The following MEGF6 variants were observed in gnomAD, a reference collection of about 807,000 sequenced individuals.
MEGF6 encodes multiple epidermal growth factor-like domains protein 6.
A neutral mutation model predicts 207.1 loss-of-function variants in MEGF6; 184 were observed. The observed-to-expected ratio is 0.89, with a 90% CI of 0.79 to 1.00. MEGF6 has a LOEUF of 1.00. Among genes scored for constraint, MEGF6 ranks in the 50% least tolerant of loss-of-function variants. The pLI is 0.00. For synonymous variants in MEGF6, 1,038 were observed against 910.0 expected (o/e 1.14, Z -2.53); for missense variants, 2,282 against 2,202.9 (o/e 1.04, Z -0.72).
At chr1:3,524,312 C>A (rs978360131) in intron 4 of MEGF6, 66 bp from the exon 5 acceptor site, 67 of 1,572,310 alleles carry the variant, frequency 4.3e-5, no homozygotes, top group Non-Finnish European at 4.6e-5. Flanking sequence ...CAACACAGCC[C>A]CCCAGGTGCC....
chr1:3,510,881 C>A lies in MEGF6; in HGVS notation c.1136G>T (p.Ser379Ile). The part of the protein sequence containing the change: ...TCIDVDDCAD[S>I]PCCQQVCTNN... Reference sequence around the variant, plus strand: ...GGTGCACACCTGCTGGCAGCACGGGCTGTCTGCACAGTCGTCGACATCTGT... The same window carrying A: ...GGTGCACACCTGCTGGCAGCACGGGATGTCTGCACAGTCGTCGACATCTGT... Residue 379 changes from serine (S) to isoleucine (I), a missense_variant, in exon 10 of 37, where the codon AGC becomes ATC. Coordinates refer to ENST00000356575, the MANE Select transcript of MEGF6 (RefSeq NM_001409.4). 6.2e-7 allele frequency: 1 copy of A among 1,608,740 alleles called. No individual in the cohort carries two copies. The highest frequency in any genetic ancestry group is 1.1e-5 in the South Asian group (1 of 90,940).
rs767956673 is a variant in MEGF6 at position 3,514,514 on chromosome 1, C to A, written c.853+36G>T. The stretch of plus-strand genomic sequence containing the variant: ...CACAGCACCTGGGTGCGCTTTCTGA[C>A]CCTGGGCGGGGCGGAGCAGGGGAGG... On this transcript the variant is annotated intron_variant, in intron 7 of 36. Transcript: ENST00000356575. 6 of 1,563,204 alleles carry A rather than the reference C, an allele frequency of 3.8e-6. No individual in the cohort carries two copies. In the East Asian group the frequency reaches 1.4e-4, roughly 36 times the overall value.
chr1:3,528,517 G>A (rs1302631426), intron 4 of MEGF6, among the ~76,000 whole-genome samples: 2 of 152,204 alleles, frequency 1.3e-5, no homozygotes, highest in Non-Finnish European at 1.5e-5. Flanking sequence ...TATGGCAGAG[G>A]GACCTACCTT....
chr1:3,603,477 G>T (rs941056794), intron 1 of MEGF6, among the ~76,000 whole-genome samples: 5 of 152,120 alleles, frequency 3.3e-5, no homozygotes, highest in Non-Finnish European at 5.9e-5. Context: ...ACTACGTCAG[G>T]TGACGTCTGG....
At position 3,505,398 on chromosome 1, in the gene MEGF6, C is replaced by G. The variant is rs868797813; in HGVS notation, c.2053+24G>C. On this transcript the variant is annotated intron_variant, in intron 16 of 36. Transcript: ENST00000356575. ...TTAACCGACCCTGGCGCCCCCCGCC[C>G]CCAGACCCCATGCCTGGACTCACCT... 2.5e-5 allele frequency: 40 copies of G among 1,579,024 alleles called. No individual in the cohort carries two copies. In the East Asian group the frequency reaches 3.6e-4, roughly 14 times the overall value.
chr1:3,511,736 C>A (rs1489722123), intron 8 of MEGF6, 49 bp from the exon 9 acceptor site: 16 of 1,574,754 alleles, frequency 1.0e-5, no homozygotes, highest in Admixed American at 1.7e-5. Context: ...CTAGGATGAC[C>A]CCCACCTACC....
chr1:3,527,710 G>A (rs985090302), intron 4 of MEGF6, among the ~76,000 whole-genome samples: 1 of 152,200 alleles, frequency 6.6e-6, no homozygotes, highest in Non-Finnish European at 1.5e-5. Flanking sequence ...CACTGGGCAG[G>A]GCAGTGTGGG....
chr1:3,511,221 T>C (rs577397795), intron 9 of MEGF6, among the ~76,000 whole-genome samples: 1 of 152,314 alleles, frequency 6.6e-6, no homozygotes, highest in East Asian at 1.9e-4. Context: ...GGACTCCATC[T>C]GGGAGTCAGG....
intron 4 of MEGF6, among the ~76,000 whole-genome samples, chr1:3,550,018 C>T (rs1387765810): frequency 6.6e-6 from 1 of 152,184 alleles, no homozygotes; most frequent in African/African-American, 2.4e-5. Context: ...CTGAAGTGAT[C>T]GTGGATGCCA....
At chr1:3,513,569 C>A (rs1373120612) in intron 7 of MEGF6, among the ~76,000 whole-genome samples, 1 of 145,894 alleles carries the variant, frequency 6.9e-6, no homozygotes, top group Non-Finnish European at 1.5e-5. Context: ...TGAGCCACCA[C>A]ACCTGGGCTT....
chr1:3,602,492 C>G lies in MEGF6; in HGVS notation c.240G>C (p.Gln80His), dbSNP rs749198820. ...VPVWKAGCGWQAWCVGHERRT... is the reference protein window; with the variant it reads ...VPVWKAGCGWHAWCVGHERRT... ...TCCGCTCATGACCCACGCACCACGC[C>G]TGCCACCCACAGCCGGCCTTCCACA... Residue 80 changes from glutamine to histidine, a missense_variant, in exon 2 of 37, where the codon CAG (glutamine) becomes CAC (histidine). Coordinates refer to ENST00000356575, the MANE Select transcript of MEGF6 (RefSeq NM_001409.4). 1 of 1,613,394 alleles carries G rather than the reference C, an allele frequency of 6.2e-7. No individual in the cohort carries two copies. The highest frequency in any genetic ancestry group is 8.5e-7 in the Non-Finnish European group (1 of 1,179,910).
Position 3,498,461 on chromosome 1 carries a change from T to C in MEGF6, c.3262A>G (p.Ser1088Gly), listed in dbSNP as rs1407028260. 3 of 1,583,964 alleles carry C rather than the reference T, an allele frequency of 1.9e-6. No individual in the cohort carries two copies. The highest frequency in any genetic ancestry group is 1.7e-6 in the Non-Finnish European group (2 of 1,167,658). The change falls in exon 26 of 37, where the codon AGC becomes GGC. Residue 1088 changes from serine to glycine, a missense_variant. Ser to Gly is a moderately conservative substitution (Grantham distance 56). Transcript: ENST00000356575. ...AGGCCCCCGTTGAGGCAACCGCCGC[T>C]GTGCCGGCAGCCAGCTCTGACGTCC... ...PRDVRAGCRH[S>G]GGCLNGGLCD...
At chr1:3,588,978 T>C (rs1370448681) in intron 3 of MEGF6, among the ~76,000 whole-genome samples, 3 of 152,056 alleles carry the variant, frequency 2.0e-5, no homozygotes, top group African/African-American at 7.2e-5. Flanking sequence ...GTCCCCCAAA[T>C]ATTCCTGCCT....
At chr1:3,506,289 G>A in intron 14 of MEGF6, 53 bp from the exon 15 acceptor site, 5 of 1,588,686 alleles carry the variant, frequency 3.1e-6, no homozygotes, top group Non-Finnish European at 4.3e-6. Context: ...CCTACCACAT[G>A]TGGTCCCCCC....
chr1:3,501,972 A>G, intron 17 of MEGF6, 51 bp from the exon 18 acceptor site: 5 of 1,118,630 alleles, frequency 4.5e-6, no homozygotes, highest in South Asian at 3.5e-5. Context: ...GAGTGGACTG[A>G]CCAGAGCCTT....
intron 4 of MEGF6, among the ~76,000 whole-genome samples, chr1:3,567,897 G>A (rs1230709393): frequency 6.6e-6 from 1 of 152,096 alleles, no homozygotes; most frequent in East Asian, 1.9e-4. Flanking sequence ...GCTGAGACCT[G>A]CCAGGAGCCC....
chr1:3,515,933 C>T (rs918858523), intron 5 of MEGF6, among the ~76,000 whole-genome samples: 6 of 152,226 alleles, frequency 3.9e-5, no homozygotes, highest in South Asian at 2.1e-4. Context: ...TGGAGGAGGA[C>T]GCAGGCTGGC....
At chr1:3,520,109 T>C (rs965412518) in intron 5 of MEGF6, among the ~76,000 whole-genome samples, 34 of 152,328 alleles carry the variant, frequency 2.2e-4, no homozygotes, top group African/African-American at 8.2e-4. Context: ...TGGCACAGCG[T>C]GTTTCATCTG....
At chr1:3,619,580 T>C in the MEGF6 span, among the ~76,000 whole-genome samples, 13 of 152,116 alleles carry the variant, frequency 8.5e-5, no homozygotes, top group African/African-American at 3.1e-4. Context: ...TCTCAGGAGA[T>C]CTGATGGTTT....
Sources: allele counts gnomAD v4.1 joint callset (sites outside exome capture counted in the v4.1 genomes callset), GRCh38; gene constraint gnomAD v4.1.1; transcripts MANE v1.5; gene names NCBI Gene and HGNC (gene_info 2026-07-23, HGNC 2026-07-21).